The following MRPS35 variants were observed in gnomAD, a reference collection of about 807,000 sequenced individuals.
MRPS35 encodes small ribosomal subunit protein mS35.
A neutral mutation model predicts 32.7 loss-of-function variants in MRPS35; 29 were observed. That is an observed-to-expected ratio of 0.89 (90% CI 0.66 to 1.21). The LOEUF (loss-of-function observed/expected upper bound fraction) is 1.21. Among genes scored for constraint, MRPS35 ranks in the 50% most tolerant of loss-of-function variants. The probability of loss-of-function intolerance (pLI) is 0.00; values close to 1 mark genes in which losing one functional copy is unlikely to be tolerated. For missense variants in MRPS35, 373 were observed against 383.8 expected (o/e 0.97, Z 0.23); for synonymous variants, 148 against 139.3 (o/e 1.06, Z -0.44).
At chr12:27,712,299 G>A (rs1346352865) in intron 1 of MRPS35, among the ~76,000 whole-genome samples, 3 of 152,198 alleles carry the variant, frequency 2.0e-5, no homozygotes, top group Non-Finnish European at 4.4e-5. Flanking sequence ...AGTATAAGAC[G>A]TCAGAGAGTT....
chr12:27,717,667 G>T (rs941507314), intron 3 of MRPS35, among the ~76,000 whole-genome samples: 2 of 152,172 alleles, frequency 1.3e-5, no homozygotes, highest in Non-Finnish European at 2.9e-5. Context: ...ATACATCAAG[G>T]AAAACAAATG....
intron 7 of MRPS35, among the ~76,000 whole-genome samples, chr12:27,746,826 G>A (rs188270605): frequency 2.6e-5 from 4 of 152,186 alleles, no homozygotes; most frequent in Admixed American, 2.0e-4. Context: ...TTCGGTTTTC[G>A]CTTTTAAATA....
intron 7 of MRPS35, chr12:27,752,985 A>C (rs1029383444): frequency 2.0e-5 from 3 of 152,178 alleles, no homozygotes; most frequent in African/African-American, 7.2e-5. Flanking sequence ...GACTAGCCTA[A>C]AAAATAATAA....
chr12:27,755,044 CCT>C lies in MRPS35; in HGVS notation c.703-133_703-132del, dbSNP rs2062020563. 18 of 954,690 alleles carry C rather than the reference CCT, an allele frequency of 1.9e-5. No individual in the cohort carries two copies. The South Asian group carries it at 3.0e-4, about 16-fold the overall frequency. The allele number at this position is 954,690 out of a possible 1,614,324, so 59.1% of individuals were successfully genotyped here. A position where few individuals can be genotyped will look rare whatever the true frequency, so the allele number is the denominator to read the frequency against. ...TGCACAGACAAGGTGTTGGCCAGGG[CCT>C]CTCCACATTTTGCAAACTTCTCTTC... On this transcript the variant is annotated intron_variant, in intron 7 of 7. Transcript: ENST00000081029.
At chr12:27,738,651 A>T (rs1034548464) in intron 7 of MRPS35, among the ~76,000 whole-genome samples, 1 of 152,184 alleles carries the variant, frequency 6.6e-6, no homozygotes, top group Non-Finnish European at 1.5e-5. Context: ...TGCCTTACCC[A>T]ACACAGGGGA....
intron 7 of MRPS35, among the ~76,000 whole-genome samples, chr12:27,743,207 C>A (rs1426854578): frequency 6.6e-6 from 1 of 151,814 alleles, no homozygotes; most frequent in African/African-American, 2.4e-5. Flanking sequence ...CATCCTGTGT[C>A]AAATATCAAG....
chr12:27,756,248 G>A lies in MRPS35; in HGVS notation c.*798G>A, dbSNP rs1054170451. Reference sequence around the variant, plus strand: ...CCTGTCAGCTGTTTCTTACCACTTCGATGGTTGTGATTAATTTAAAATCAA... The same window carrying A: ...CCTGTCAGCTGTTTCTTACCACTTCAATGGTTGTGATTAATTTAAAATCAA... On this transcript the variant is annotated 3_prime_UTR_variant, in exon 8 of 8. Transcript: ENST00000081029. 3 of 152,350 alleles carry A rather than the reference G, an allele frequency of 2.0e-5. No individual in the cohort carries two copies. Among genetic ancestry groups the A allele is most frequent in the African/African-American group, 2.4e-5 (1 of 41,570 alleles). The allele number at this position is 152,350 out of a possible 1,614,324, so 9.4% of individuals were successfully genotyped here. A position where few individuals can be genotyped will look rare whatever the true frequency, so the allele number is the denominator to read the frequency against.
rs983647913 is a variant in MRPS35 at position 27,737,462 on chromosome 12, G to T, written c.633-77G>T. On this transcript the variant is annotated intron_variant, in intron 6 of 7. Coordinates refer to ENST00000081029, the MANE Select transcript of MRPS35 (RefSeq NM_021821.4). Reference sequence around the variant, plus strand: ...CTGAAAACATTATCTTCTGTATTTAGTATATTGCATATTTTGCAAATTTTT... The same window carrying T: ...CTGAAAACATTATCTTCTGTATTTATTATATTGCATATTTTGCAAATTTTT... 7 of 906,742 alleles carry T rather than the reference G, an allele frequency of 7.7e-6. No homozygotes were observed. The African/African-American group carries it at 1.1e-4, about 15-fold the overall frequency. The allele number at this position is 906,742 out of a possible 1,614,324, so 56.2% of individuals were successfully genotyped here.
intron 5 of MRPS35, among the ~76,000 whole-genome samples, chr12:27,724,443 T>C (rs1310911099): frequency 1.3e-5 from 2 of 151,696 alleles, no homozygotes; most frequent in African/African-American, 4.9e-5. Context: ...TTTTGGAAAA[T>C]ACAAGTTTCA....
chr12:27,712,690 C>A (rs552179740), intron 1 of MRPS35, among the ~76,000 whole-genome samples: 1 of 152,098 alleles, frequency 6.6e-6, no homozygotes, highest in Non-Finnish European at 1.5e-5. Context: ...TCCATGTACA[C>A]GAATTGGGAA....
intron 2 of MRPS35, 110 bp from the exon 3 acceptor site, chr12:27,716,181 A>G: frequency 9.3e-7 from 1 of 1,074,468 alleles, no homozygotes; most frequent in Non-Finnish European, 1.3e-6. Context: ...ATATGTTGCA[A>G]TTTTGCTTCT....
intron 5 of MRPS35, among the ~76,000 whole-genome samples, chr12:27,726,635 C>T (rs986767504): frequency 6.6e-6 from 1 of 152,132 alleles, no homozygotes; most frequent in African/African-American, 2.4e-5. Flanking sequence ...TTGAGGCTTT[C>T]TATTTCTCCA....
Position 27,747,507 on chromosome 12 carries a change from G to A in MRPS35, c.703-7674G>A, listed in dbSNP as rs143485170. On this transcript the variant is annotated intron_variant, in intron 7 of 7. Coordinates refer to ENST00000081029, the MANE Select transcript of MRPS35 (RefSeq NM_021821.4). ...GCTTTGGTAGCTGAAAGAATTGACA[G>A]TAATTCTTTTTTCACTTTTTATGAA... Among the ~76,000 whole-genome samples the A allele has an allele frequency of 2.6e-4, 39 of 149,128 alleles. No homozygotes were observed. The East Asian group carries it at 6.7e-3, about 26-fold the overall frequency.
chr12:27,711,289 G>A (rs1462162863), intron 1 of MRPS35, among the ~76,000 whole-genome samples: 1 of 152,212 alleles, frequency 6.6e-6, no homozygotes, highest in Admixed American at 6.5e-5. Flanking sequence ...CATCGGCGCT[G>A]TTGAACCATG....
intron 7 of MRPS35, among the ~76,000 whole-genome samples, chr12:27,754,445 A>G (rs2062018251): frequency 1.3e-5 from 2 of 152,058 alleles, no homozygotes. Flanking sequence ...CCTTGGTACT[A>G]AAGAAGTTGA....
intron 7 of MRPS35, among the ~76,000 whole-genome samples, chr12:27,743,842 G>A (rs561265876): frequency 6.6e-6 from 1 of 152,294 alleles, no homozygotes; most frequent in East Asian, 1.9e-4. Context: ...GTTTGCAGAT[G>A]GCTGTCGTCT....
At chr12:27,742,697 T>A (rs2061968467) in intron 7 of MRPS35, among the ~76,000 whole-genome samples, 1 of 152,192 alleles carries the variant, frequency 6.6e-6, no homozygotes, top group African/African-American at 2.4e-5. Context: ...GTGAAGCTCG[T>A]CGTAGTGCTT....
chr12:27,716,532 C>G, intron 3 of MRPS35, 74 bp downstream of exon 3: 1 of 1,484,342 alleles, frequency 6.7e-7, no homozygotes, highest in Admixed American at 1.8e-5. Flanking sequence ...TATTTCTGCT[C>G]TCTTATGCTT....
chr12:27,735,080 CT>C (rs1349995818), intron 5 of MRPS35, among the ~76,000 whole-genome samples: 1 of 152,146 alleles, frequency 6.6e-6, no homozygotes, highest in Non-Finnish European at 1.5e-5. Context: ...TCTTAAAGCC[CT>C]TATGTTTTAT....
Sources: allele counts gnomAD v4.1 joint callset (sites outside exome capture counted in the v4.1 genomes callset), GRCh38; gene constraint gnomAD v4.1.1; transcripts MANE v1.5; gene names NCBI Gene and HGNC (gene_info 2026-07-23, HGNC 2026-07-21).